The following OCA2 variants were observed in gnomAD, a reference collection of about 807,000 sequenced individuals.
The protein encoded by OCA2 is OCA2 melanosomal transmembrane protein.
Under a neutral mutation model 100.2 loss-of-function variants are expected in OCA2, and 77 were observed. That is an observed-to-expected ratio of 0.77 (90% CI 0.64 to 0.93). The LOEUF (loss-of-function observed/expected upper bound fraction) is 0.93, where lower values mean the gene tolerates loss of function less well. Ranked by LOEUF, OCA2 falls within the 40% of genes least tolerant of loss-of-function variation. OCA2 has a pLI of 0.00. For missense variants in OCA2, 1,062 were observed against 1,089.1 expected, an observed-to-expected ratio of 0.98 and a Z score of 0.35; for synonymous variants, 432 against 439.2, an observed-to-expected ratio of 0.98 and a Z score of 0.21.
intron 19 of OCA2, among the ~76,000 whole-genome samples, chr15:27,913,239 G>A (rs2038464796): frequency 6.6e-6 from 1 of 151,994 alleles, no homozygotes; most frequent in African/African-American, 2.4e-5. Context: ...TTTTATCACG[G>A]TTGTATAATT....
At chr15:27,722,966 C>G in the OCA2 span, among the ~76,000 whole-genome samples, 1 of 151,724 alleles carries the variant, frequency 6.6e-6, no homozygotes, top group Non-Finnish European at 1.5e-5. Context: ...CTCAGCCTCC[C>G]GAGTAGCTGG....
intron 23 of OCA2, among the ~76,000 whole-genome samples, chr15:27,801,747 A>G (rs2033625150): frequency 6.6e-6 from 1 of 152,004 alleles, no homozygotes; most frequent in Non-Finnish European, 1.5e-5. Context: ...TCATAATAAA[A>G]AGTCTCTGCA....
At chr15:27,733,606 T>C in the OCA2 span, among the ~76,000 whole-genome samples, 47 of 152,334 alleles carry the variant, frequency 3.1e-4, no homozygotes, top group South Asian at 9.5e-3. Context: ...TGTGATTCTC[T>C]GTGTCTGCAC....
intron 15 of OCA2, among the ~76,000 whole-genome samples, chr15:27,964,005 T>A (rs1293349031): frequency 1.2e-4 from 18 of 152,156 alleles, no homozygotes; most frequent in Non-Finnish European, 2.9e-5. Context: ...TTAGATTAAA[T>A]GGACAAATTC....
chr15:27,854,473 G>A (rs2035881231), intron 21 of OCA2, among the ~76,000 whole-genome samples: 1 of 152,196 alleles, frequency 6.6e-6, no homozygotes, highest in Non-Finnish European at 1.5e-5. Context: ...TTTGTTGTCA[G>A]TAGCGTCAAA....
At chr15:28,028,283 A>G (rs902764310) in intron 3 of OCA2, among the ~76,000 whole-genome samples, 2 of 152,208 alleles carry the variant, frequency 1.3e-5, no homozygotes, top group African/African-American at 4.8e-5. Flanking sequence ...AGTCTTCAAA[A>G]TGAATTGTGG....
rs772608362 is a variant in OCA2, at chr15:27,986,653, AAAG to A, written c.1183-13_1183-11del. Reference sequence around the variant, plus strand: ...TGGCTACTAAGATCATCTATGGGGAAAAGAAGAAGACAAGGATAATCTTTTAGC... The same window carrying A: ...TGGCTACTAAGATCATCTATGGGGAAAAGAAGACAAGGATAATCTTTTAGC... On this transcript the variant is annotated splice_polypyrimidine_tract_variant and intron_variant, in intron 11 of 23. Coordinates refer to ENST00000354638, the MANE Select transcript of OCA2 (RefSeq NM_000275.3). 4 of 1,516,356 alleles carry A rather than the reference AAAG, an allele frequency of 2.6e-6. No individual in the cohort carries two copies. The highest frequency in any genetic ancestry group is 2.2e-5 in the South Asian group (2 of 89,536). The allele number at this position is 1,516,356 out of a possible 1,614,324, so 93.9% of individuals were successfully genotyped here.
intron 23 of OCA2, among the ~76,000 whole-genome samples, chr15:27,798,069 C>G (rs996735201): frequency 1.3e-5 from 2 of 152,180 alleles, no homozygotes; most frequent in African/African-American, 4.8e-5. Context: ...TGTGACATGC[C>G]GTCGCTAGGC....
At chr15:27,924,886 T>C (rs1165572103) in intron 19 of OCA2, among the ~76,000 whole-genome samples, 1 of 152,182 alleles carries the variant, frequency 6.6e-6, no homozygotes, top group Non-Finnish European at 1.5e-5. Flanking sequence ...GGCTAGATTT[T>C]ATCATTTTTA....
chr15:28,025,411 C>A (rs934002277), intron 4 of OCA2, among the ~76,000 whole-genome samples: 6 of 152,198 alleles, frequency 3.9e-5, no homozygotes, highest in African/African-American at 1.4e-4. Flanking sequence ...ACTTAATTAA[C>A]CATCAAGCCA....
intron 6 of OCA2, among the ~76,000 whole-genome samples, chr15:28,020,843 C>T (rs1231147885): frequency 6.6e-6 from 1 of 152,182 alleles, no homozygotes; most frequent in Non-Finnish European, 1.5e-5. Flanking sequence ...CAAACTGTGA[C>T]CAGTGTGCCC....
intron 9 of OCA2, among the ~76,000 whole-genome samples, chr15:28,006,355 G>T (rs981428609): frequency 6.6e-6 from 1 of 152,222 alleles, no homozygotes; most frequent in African/African-American, 2.4e-5. Flanking sequence ...GCGAAAGAGA[G>T]CCATCCAGGA....
In OCA2 at chr15:27,784,332, A is replaced by T. The variant is rs373455735; in HGVS notation, c.2433-28860T>A. ...AGGGTAACCATAGCAACAGCAAACC[A>T]CGAACCAAGTCCTCCTGGCTAGCCT... On this transcript the variant is annotated intron_variant, in intron 23 of 23. Coordinates refer to ENST00000354638, the MANE Select transcript of OCA2 (RefSeq NM_000275.3). 2.0e-5 allele frequency among the ~76,000 whole-genome samples: 3 copies of T among 152,272 alleles called. No individual in the cohort carries two copies. In the South Asian group the frequency reaches 6.2e-4, roughly 32 times the overall value.
rs188644147 is a variant in OCA2, at chr15:27,761,687, T to C, written c.2433-6215A>G. Among the ~76,000 whole-genome samples the C allele has an allele frequency of 2.1e-4, 32 of 152,274 alleles. 1 individual carries two copies. The highest frequency in any genetic ancestry group is 4.4e-4 in the Non-Finnish European group (30 of 68,028). ...ACAATCTTAACAAAGAAGAACTGAA[T>C]GGGAGACCCTCTCTATCCAACATGA... On this transcript the variant is annotated intron_variant, in intron 23 of 23. Transcript: ENST00000354638.
intron 4 of OCA2, among the ~76,000 whole-genome samples, chr15:28,027,459 C>T (rs1222075299): frequency 6.6e-6 from 1 of 152,226 alleles, no homozygotes; most frequent in Non-Finnish European, 1.5e-5. Context: ...GCCCACAGCA[C>T]AGAAGGGAAC....
At chr15:27,902,248 T>G (rs2037976861) in intron 19 of OCA2, among the ~76,000 whole-genome samples, 1 of 152,020 alleles carries the variant, frequency 6.6e-6, no homozygotes, top group Non-Finnish European at 1.5e-5. Context: ...AAAGAAGGAC[T>G]TCTGGGGAAA....
At chr15:27,982,180 C>CA (rs2041188379) in intron 14 of OCA2, among the ~76,000 whole-genome samples, 1 of 152,150 alleles carries the variant, frequency 6.6e-6, no homozygotes, top group Non-Finnish European at 1.5e-5. Context: ...CACATACAAA[C>CA]ACTCTAGGAT....
intron 23 of OCA2, among the ~76,000 whole-genome samples, chr15:27,793,947 C>G (rs2033205701): frequency 6.6e-6 from 1 of 152,154 alleles, no homozygotes; most frequent in African/African-American, 2.4e-5. Flanking sequence ...ATGAGGAGGC[C>G]CCCATCCCAC....
chr15:27,972,864 TTTTATTTTATTTTA>T (rs2040844615), intron 14 of OCA2, among the ~76,000 whole-genome samples: 1 of 47,484 alleles, frequency 2.1e-5, no homozygotes, highest in African/African-American at 4.1e-5. Context: ...TTTTATTTTA[TTTTATTTTATTTTA>T]TTTTTGTGAC....
Sources: allele counts gnomAD v4.1 joint callset (sites outside exome capture counted in the v4.1 genomes callset), GRCh38; gene constraint gnomAD v4.1.1; transcripts MANE v1.5; gene names NCBI Gene and HGNC (gene_info 2026-07-23, HGNC 2026-07-21).